Variants in WDFY2 observed in about 807,000 individuals in gnomAD.
The protein encoded by WDFY2 is WD repeat and FYVE domain containing 2.
WDFY2 carries 36 observed loss-of-function variants against 56.4 expected under a neutral mutation model. The ratio of observed to expected loss-of-function variants is 0.64; its 90% CI spans 0.49 to 0.84. The LOEUF (loss-of-function observed/expected upper bound fraction) is 0.84, where lower values mean the gene tolerates loss of function less well. Among genes scored for constraint, WDFY2 ranks in the 40% least tolerant of loss-of-function variants. The pLI, the probability that WDFY2 is intolerant of heterozygous loss-of-function variation, is 0.00. For missense variants in WDFY2, 444 were observed against 512.2 expected (o/e 0.87, Z 1.29); for synonymous variants, 176 against 183.7 (o/e 0.96, Z 0.34).
At position 51,760,746 on chromosome 13, in the gene WDFY2, G is replaced by A. The variant is rs894923922; in HGVS notation, c.*977G>A. 7 of 152,214 alleles carry A rather than the reference G, an allele frequency of 4.6e-5. No homozygotes were observed. Among genetic ancestry groups the A allele is most frequent in the African/African-American group, 7.2e-5 (3 of 41,448 alleles). 9.4% of individuals were successfully genotyped at this position (152,214 alleles called of 1,614,324 possible). A position where few individuals can be genotyped will look rare whatever the true frequency, so the allele number is the denominator to read the frequency against. On this transcript the variant is annotated 3_prime_UTR_variant, in exon 12 of 12. Transcript: ENST00000298125. Reference sequence around the variant, plus strand: ...TCAGCAGGCATTAGCTTCTCATAAGGAGCACGCAACCTAAATCCCTCGCAT... The same window carrying A: ...TCAGCAGGCATTAGCTTCTCATAAGAAGCACGCAACCTAAATCCCTCGCAT...
At chr13:51,724,608 G>A (rs925275075) in intron 5 of WDFY2, among the ~76,000 whole-genome samples, 1 of 152,118 alleles carries the variant, frequency 6.6e-6, no homozygotes, top group African/African-American at 2.4e-5. Context: ...AGAAAGTATA[G>A]AGATTGCCTG....
intron 5 of WDFY2, among the ~76,000 whole-genome samples, chr13:51,723,810 G>A (rs1217627986): frequency 1.3e-5 from 2 of 152,244 alleles, no homozygotes; most frequent in African/African-American, 2.4e-5. Context: ...AGTTTCATCC[G>A]TTGCTGAGCT....
At chr13:51,587,652 A>C (rs1953970354) in intron 1 of WDFY2, 1 of 152,236 alleles carries the variant, frequency 6.6e-6, no homozygotes, top group African/African-American at 2.4e-5. Context: ...ACATGCATAC[A>C]TGGTAATGAT....
chr13:51,749,139 T>G (rs1379226048), intron 7 of WDFY2, among the ~76,000 whole-genome samples: 1 of 152,212 alleles, frequency 6.6e-6, no homozygotes, highest in African/African-American at 2.4e-5. Context: ...TATCTTTTTT[T>G]ACAGAATATG....
At chr13:51,616,544 T>C (rs1954617837) in intron 1 of WDFY2, among the ~76,000 whole-genome samples, 1 of 152,224 alleles carries the variant, frequency 6.6e-6, no homozygotes, top group Non-Finnish European at 1.5e-5. Flanking sequence ...TCGTTGATTC[T>C]TGAGAGTTCT....
chr13:51,608,945 C>CT (rs997793274), intron 1 of WDFY2, among the ~76,000 whole-genome samples: 3 of 151,984 alleles, frequency 2.0e-5, no homozygotes, highest in Non-Finnish European at 2.9e-5. Flanking sequence ...TAAATGAACT[C>CT]TCTTCTACAA....
chr13:51,630,299 G>A (rs1954927733), intron 1 of WDFY2, among the ~76,000 whole-genome samples: 2 of 152,184 alleles, frequency 1.3e-5, no homozygotes, highest in South Asian at 4.1e-4. Context: ...GCATGTGAAT[G>A]TAGAGTAGAT....
chr13:51,670,538 G>C (rs1274345503), intron 2 of WDFY2, among the ~76,000 whole-genome samples: 1 of 131,452 alleles, frequency 7.6e-6, no homozygotes, highest in Non-Finnish European at 1.6e-5. Flanking sequence ...CACACACACA[G>C]ATGTTTGCCT....
chr13:51,750,697 A>G (rs1478540677), intron 7 of WDFY2, among the ~76,000 whole-genome samples: 7 of 152,188 alleles, frequency 4.6e-5, no homozygotes, highest in African/African-American at 1.7e-4. Flanking sequence ...TGCACAAACT[A>G]GAAAGAAAAA....
intron 1 of WDFY2, among the ~76,000 whole-genome samples, chr13:51,649,402 C>T (rs1451188251): frequency 1.3e-5 from 2 of 151,672 alleles, no homozygotes; most frequent in East Asian, 1.9e-4. Context: ...AGGACACTTT[C>T]CCTGCATTTC....
At chr13:51,705,852 A>G (rs1477847092) in intron 4 of WDFY2, among the ~76,000 whole-genome samples, 2 of 152,140 alleles carry the variant, frequency 1.3e-5, no homozygotes, top group Non-Finnish European at 2.9e-5. Flanking sequence ...TGGACTTTAC[A>G]TCCTGTTATT....
At chr13:51,697,598 A>C (rs1004079785) in intron 3 of WDFY2, among the ~76,000 whole-genome samples, 8 of 150,840 alleles carry the variant, frequency 5.3e-5, no homozygotes, top group Non-Finnish European at 7.4e-5. Flanking sequence ...ATGCCACTAC[A>C]CTCCAGCCTG....
intron 2 of WDFY2, among the ~76,000 whole-genome samples, chr13:51,669,765 C>A (rs546095606): frequency 6.6e-6 from 1 of 152,282 alleles, no homozygotes; most frequent in African/African-American, 2.4e-5. Context: ...TCTCAGGCAA[C>A]CTACATATAC....
At chr13:51,746,007 C>T (rs576213563) in intron 7 of WDFY2, among the ~76,000 whole-genome samples, 5 of 127,066 alleles carry the variant, frequency 3.9e-5, no homozygotes, top group Admixed American at 2.8e-4. Context: ...GACAGAGTCT[C>T]GCTGTGTCCC....
rs1166085959 is a variant in WDFY2 at position 51,764,998 on chromosome 13, C to T, written c.*5229C>T. 1 of 152,312 alleles carries T rather than the reference C, an allele frequency of 6.6e-6. No homozygotes were observed. Among genetic ancestry groups the T allele is most frequent in the Non-Finnish European group, 1.5e-5 (1 of 68,096 alleles). 9.4% of individuals were successfully genotyped at this position (152,312 alleles called of 1,614,324 possible). ...AGACACAGGCAGCTGCTGCCCTCCA[C>T]TTCCTGCTCTTGCAAGTCACAGATG... On this transcript the variant is annotated 3_prime_UTR_variant, in exon 12 of 12. Transcript: ENST00000298125.
chr13:51,724,305 T>G (rs905910425), intron 5 of WDFY2, among the ~76,000 whole-genome samples: 1 of 144,164 alleles, frequency 6.9e-6, no homozygotes, highest in Non-Finnish European at 1.5e-5. Context: ...TGGCACTATC[T>G]CAGCTCACTG....
Position 51,761,539 on chromosome 13 carries a change from C to G in WDFY2, c.*1770C>G, listed in dbSNP as rs900277297. On this transcript the variant is annotated 3_prime_UTR_variant, in exon 12 of 12. Coordinates refer to ENST00000298125, the MANE Select transcript of WDFY2 (RefSeq NM_052950.4). ...AAGCCCCACCCCACAGTGTCTTGCTCTCTTCTGATTTTACAGGTTTTTTGG... is the reference window on the plus strand; with the variant it reads ...AAGCCCCACCCCACAGTGTCTTGCTGTCTTCTGATTTTACAGGTTTTTTGG... 3 of 152,166 alleles carry G rather than the reference C, an allele frequency of 2.0e-5. No individual in the cohort carries two copies. Among genetic ancestry groups the G allele is most frequent in the Non-Finnish European group, 4.4e-5 (3 of 68,034 alleles). The allele number at this position is 152,166 out of a possible 1,614,324, so 9.4% of individuals were successfully genotyped here.
intron 3 of WDFY2, among the ~76,000 whole-genome samples, chr13:51,690,492 A>G (rs1165493646): frequency 6.6e-6 from 1 of 151,718 alleles, no homozygotes; most frequent in African/African-American, 2.4e-5. Flanking sequence ...AATGATTTCC[A>G]ATTTCATCCA....
At chr13:51,585,492 T>A (rs1057379334) in intron 1 of WDFY2, among the ~76,000 whole-genome samples, 7 of 152,226 alleles carry the variant, frequency 4.6e-5, no homozygotes, top group Non-Finnish European at 8.8e-5. Flanking sequence ...TTTGCCTGTT[T>A]CCTTTATTTT....
Sources: gnomAD v4.1 joint callset for allele counts (sites outside exome capture counted in the v4.1 genomes callset) on GRCh38, gnomAD v4.1.1 for gene constraint, MANE v1.5 for transcripts, NCBI Gene and HGNC (gene_info 2026-07-23, HGNC 2026-07-21) for gene names.